Variants in NLGN1 observed in about 807,000 individuals in gnomAD.
The protein encoded by NLGN1 is neuroligin 1.
In NLGN1, 12 loss-of-function variants were observed where a neutral mutation model predicts 65.5. The observed-to-expected ratio is 0.18, with a 90% confidence interval of 0.12 to 0.30. The LOEUF is 0.30. NLGN1 is among the 10% of genes least tolerant of loss of function. The pLI, the probability that NLGN1 is intolerant of heterozygous loss-of-function variation, is 1.00. For missense variants in NLGN1, 750 were observed against 1,007.1 expected (o/e 0.74, Z 3.46); for synonymous variants, 350 against 359.5 (o/e 0.97, Z 0.30).
At chr3:173,806,672 C>T (rs1157931289) in intron 3 of NLGN1, among the ~76,000 whole-genome samples, 1 of 152,008 alleles carries the variant, frequency 6.6e-6, no homozygotes, top group African/African-American at 2.4e-5. Flanking sequence ...TGCTGATATA[C>T]ACAGTTAGGC....
At chr3:173,712,209 G>A (rs1299969933) in intron 3 of NLGN1, among the ~76,000 whole-genome samples, 1 of 152,044 alleles carries the variant, frequency 6.6e-6, no homozygotes, top group African/African-American at 2.4e-5. Flanking sequence ...GTTAGTTCAT[G>A]TAATTATTAC....
At chr3:174,182,321 A>G (rs1353460880) in intron 4 of NLGN1, among the ~76,000 whole-genome samples, 1 of 152,152 alleles carries the variant, frequency 6.6e-6, no homozygotes, top group Non-Finnish European at 1.5e-5. Context: ...AACACTCCCT[A>G]TTTTGAAAAT....
intron 4 of NLGN1, among the ~76,000 whole-genome samples, chr3:174,257,210 C>T (rs568379387): frequency 1.4e-4 from 22 of 152,174 alleles, no homozygotes; most frequent in African/African-American, 5.3e-4. Flanking sequence ...AATGAGATAC[C>T]ATCTCACATC....
rs566527204 is a variant in NLGN1, at chr3:174,217,525, T to C, written c.647-57790T>C. Reference sequence around the variant, plus strand: ...TATCAGGTTGCAGACTACTGACTTATTGTATCCTCACATGGCACAAAAATC... The same window carrying C: ...TATCAGGTTGCAGACTACTGACTTACTGTATCCTCACATGGCACAAAAATC... On this transcript the variant is annotated intron_variant, in intron 4 of 6. Coordinates refer to ENST00000457714, the Ensembl canonical transcript of NLGN1. Among the ~76,000 whole-genome samples the C allele has an allele frequency of 8.5e-5, 13 of 152,146 alleles. No homozygotes were observed. The South Asian group carries it at 2.3e-3, about 27-fold the overall frequency.
intron 4 of NLGN1, among the ~76,000 whole-genome samples, chr3:174,025,640 A>T (rs1728682811): frequency 6.6e-6 from 1 of 152,208 alleles, no homozygotes; most frequent in African/African-American, 2.4e-5. Context: ...AGGAAAAAAG[A>T]CAAACTATAA....
intron 4 of NLGN1, among the ~76,000 whole-genome samples, chr3:173,972,891 A>G (rs1716589537): frequency 6.6e-6 from 1 of 152,096 alleles, no homozygotes; most frequent in Non-Finnish European, 1.5e-5. Flanking sequence ...CTAGGGGTGG[A>G]GCCCAACAAT....
At chr3:174,108,660 T>G (rs1714522020) in intron 4 of NLGN1, among the ~76,000 whole-genome samples, 1 of 152,048 alleles carries the variant, frequency 6.6e-6, no homozygotes, top group African/African-American at 2.4e-5. Context: ...TGGAAATTAC[T>G]AAGAGGAAAC....
chr3:173,501,772 A>G (rs1329062837), intron 2 of NLGN1, among the ~76,000 whole-genome samples: 2 of 151,916 alleles, frequency 1.3e-5, no homozygotes, highest in African/African-American at 4.8e-5. Flanking sequence ...AACATCTCAT[A>G]GTGTAAAGAA....
At chr3:174,037,082 A>C (rs1262562718) in intron 4 of NLGN1, among the ~76,000 whole-genome samples, 1 of 152,126 alleles carries the variant, frequency 6.6e-6, no homozygotes, top group Non-Finnish European at 1.5e-5. Context: ...GTCTCTTCAT[A>C]ATAGAATGAT....
At chr3:173,614,304 A>G (rs1303530523) in intron 3 of NLGN1, among the ~76,000 whole-genome samples, 2 of 152,116 alleles carry the variant, frequency 1.3e-5, no homozygotes, top group Non-Finnish European at 2.9e-5. Context: ...TAGTAACTAT[A>G]GCTACTCTCA....
intron 2 of NLGN1, among the ~76,000 whole-genome samples, chr3:173,560,771 C>T (rs1742596799): frequency 6.6e-6 from 1 of 152,036 alleles, no homozygotes; most frequent in Admixed American, 6.6e-5. Context: ...TTAAAAACAA[C>T]ATTTATATTT....
intron 2 of NLGN1, among the ~76,000 whole-genome samples, chr3:173,502,455 A>G (rs1235465200): frequency 6.6e-6 from 1 of 152,144 alleles, no homozygotes; most frequent in East Asian, 1.9e-4. Flanking sequence ...ATGCTTCCAG[A>G]GAATATGAGC....
In NLGN1 at chr3:173,502,123, A is replaced by G. The variant is rs140235264; in HGVS notation, c.-321+67045A>G. Among the ~76,000 whole-genome samples the G allele has an allele frequency of 3.6e-3, 550 of 152,232 alleles. 3 individuals carry two copies. Among genetic ancestry groups the G allele is most frequent in the African/African-American group, 0.013 (525 of 41,562 alleles). The stretch of plus-strand genomic sequence containing the variant: ...ATTTTTTTCCACAAATATTTTTACA[A>G]GAGTAGACCTTTCAAGTGGTGAGTA... On this transcript the variant is annotated intron_variant, in intron 2 of 6. Coordinates refer to ENST00000457714, the Ensembl canonical transcript of NLGN1.
intron 2 of NLGN1, among the ~76,000 whole-genome samples, chr3:173,580,050 C>T (rs1746151176): frequency 6.6e-6 from 1 of 152,032 alleles, no homozygotes; most frequent in Non-Finnish European, 1.5e-5. Context: ...TCACAACATC[C>T]TAAAACGTTT....
rs145110947 is a variant in NLGN1 at position 174,256,278 on chromosome 3, A to G, written c.647-19037A>G. On this transcript the variant is annotated intron_variant, in intron 4 of 6. Transcript: ENST00000457714. ...CAGTGACAACTTGTCAAGAGCGCCA[A>G]TGGAAGTAAATCCAGAGATTGGTTG... is the stretch of plus-strand genomic sequence containing the variant. Among the ~76,000 whole-genome samples the G allele has an allele frequency of 3.5e-3, 540 of 152,314 alleles. 3 individuals carry two copies. The highest frequency in any genetic ancestry group is 0.012 in the African/African-American group (511 of 41,572).
intron 1 of NLGN1, among the ~76,000 whole-genome samples, chr3:173,415,363 C>T (rs1713460309): frequency 6.6e-6 from 1 of 152,140 alleles, no homozygotes; most frequent in Non-Finnish European, 1.5e-5. Context: ...GGCATTATGT[C>T]TTTCTCTGAT....
chr3:173,625,436 C>T (rs1754674947), intron 3 of NLGN1, among the ~76,000 whole-genome samples: 1 of 152,074 alleles, frequency 6.6e-6, no homozygotes, highest in East Asian at 1.9e-4. Context: ...GTTGACTGTA[C>T]TAAATTTGTT....
intron 3 of NLGN1, among the ~76,000 whole-genome samples, chr3:173,723,005 C>T (rs1264236288): frequency 6.6e-6 from 1 of 151,942 alleles, no homozygotes; most frequent in Non-Finnish European, 1.5e-5. Context: ...TAAACAGAGA[C>T]CTGAATGAGG....
chr3:173,415,919 G>GGGGA (rs1713654461), intron 1 of NLGN1, among the ~76,000 whole-genome samples: 2 of 125,246 alleles, frequency 1.6e-5, no homozygotes, highest in African/African-American at 6.6e-5. Flanking sequence ...AGAGAGAGAG[G>GGGGA]GAGAGAGAGA....
Sources: allele counts gnomAD v4.1 joint callset (sites outside exome capture counted in the v4.1 genomes callset), GRCh38; gene constraint gnomAD v4.1.1; transcripts MANE v1.5; gene names NCBI Gene and HGNC (gene_info 2026-07-23, HGNC 2026-07-21).